Variants in SH3D19 observed in about 807,000 individuals in gnomAD.
SH3D19 encodes SH3 domain-containing protein 19.
In SH3D19, 58 loss-of-function variants were observed where a neutral mutation model predicts 112.1. That is an observed-to-expected ratio of 0.52 (90% CI 0.42 to 0.64). SH3D19 has a LOEUF of 0.64. Among genes scored for constraint, SH3D19 ranks in the 30% least tolerant of loss-of-function variants. The pLI, the probability that SH3D19 is intolerant of heterozygous loss-of-function variation, is 0.00. For missense variants in SH3D19, 1,090 were observed against 1,263.4 expected, an observed-to-expected ratio of 0.86 and a Z score of 2.08; for synonymous variants, 391 against 448.5, an observed-to-expected ratio of 0.87 and a Z score of 1.62.
intron 7 of SH3D19, among the ~76,000 whole-genome samples, chr4:151,167,907 C>T (rs887089880): frequency 8.5e-5 from 13 of 152,322 alleles, no homozygotes; most frequent in African/African-American, 2.9e-4. Flanking sequence ...AAGTGAGGCG[C>T]GCCTCTGCCC....
Position 151,175,418 on chromosome 4 carries a change from T to G in SH3D19, c.786A>C (p.Pro262=), listed in dbSNP as rs1238650646. The G allele has an allele frequency of 1.9e-6, 3 of 1,538,992 alleles. No individual in the cohort carries two copies. In the African/African-American group the frequency reaches 4.1e-5, roughly 21 times the overall value. ...TGTCCAGCAGAGACTGGGGCCGGCC[T>G]GGGGATGACTCCTCTCCTACGGCTG... ...SPAAVGEESS[P]GRPQSLLDNA... The change falls in exon 7 of 20, where the codon CCA becomes CCC. Residue 262 remains proline (P), a synonymous_variant. Coordinates refer to ENST00000604030, the MANE Select transcript of SH3D19 (RefSeq NM_001378122.1).
At chr4:151,215,539 C>G (rs1417975471) in intron 2 of SH3D19, among the ~76,000 whole-genome samples, 1 of 152,218 alleles carries the variant, frequency 6.6e-6, no homozygotes, top group Non-Finnish European at 1.5e-5. Context: ...TACTGATTCT[C>G]AATCCTCCTG....
rs1394879553 is a variant in SH3D19 at position 151,256,047 on chromosome 4, A to AGAGGGAGAGGGAGAGG, written c.113-29962_113-29961insCCTCTCCCTCTCCCTC. Among the ~76,000 whole-genome samples, 12 of 135,518 alleles carry AGAGGGAGAGGGAGAGG rather than the reference A, an allele frequency of 8.9e-5. 1 individual carries two copies. The highest frequency in any genetic ancestry group is 3.4e-4 in the African/African-American group (12 of 35,332). The allele number at this position is 135,518 out of a possible 152,430, so 88.9% of individuals were successfully genotyped here. A position where few individuals can be genotyped will look rare whatever the true frequency, so the allele number is the denominator to read the frequency against. On this transcript the variant is annotated intron_variant, in intron 1 of 19. Transcript: ENST00000604030. ...GAGAGGGAGAGGGAGAGGGAGAGGG[A>AGAGGGAGAGGGAGAGG]GAGCCTTGAATTATAATAAAGATTT...
Position 151,148,088 on chromosome 4 carries a change from T to A in SH3D19, c.1916A>T (p.Asn639Ile). Residue 639 changes from asparagine (N) to isoleucine (I), a missense_variant, in exon 11 of 20, where the codon AAT (asparagine) becomes ATT (isoleucine). Asn to Ile is a moderately radical substitution (Grantham distance 149). Coordinates refer to ENST00000604030, the MANE Select transcript of SH3D19 (RefSeq NM_001378122.1). ...GGATCGATTAAAAGGCAGTTTCTTA[T>A]TAGATCTTCTGGTTGCAGAAAGCTT... Reference protein sequence around the residue: ...PPKLSATRRSNKKLPFNRSSS... With the variant: ...PPKLSATRRSIKKLPFNRSSS... 1.2e-6 allele frequency: 2 copies of A among 1,614,144 alleles called. No homozygotes were observed. Among genetic ancestry groups the A allele is most frequent in the Non-Finnish European group, 1.7e-6 (2 of 1,180,028 alleles).
intron 1 of SH3D19, among the ~76,000 whole-genome samples, chr4:151,306,932 C>T (rs967193594): frequency 1.3e-5 from 2 of 152,244 alleles, no homozygotes; most frequent in Non-Finnish European, 2.9e-5. Flanking sequence ...CTTTATCATC[C>T]ACTCTCCCGC....
At chr4:151,229,035 ATTTTTT>A (rs34078148) in intron 1 of SH3D19, among the ~76,000 whole-genome samples, 11 of 136,798 alleles carry the variant, frequency 8.0e-5, no homozygotes, top group African/African-American at 2.4e-4. Context: ...AGCTAATTAA[ATTTTTT>A]TTTTTTTTTT....
intron 8 of SH3D19, among the ~76,000 whole-genome samples, chr4:151,163,831 C>A (rs369799657): frequency 6.6e-6 from 1 of 152,160 alleles, no homozygotes. Flanking sequence ...GATCTGCCCA[C>A]CTCAGCTTCC....
In SH3D19 at chr4:151,133,248, A is replaced by G. The variant is rs201683731; in HGVS notation, c.2487-12T>C. 185 of 1,613,152 alleles carry G rather than the reference A, an allele frequency of 1.1e-4. No individual in the cohort carries two copies. The African/African-American group carries it at 2.4e-3, about 21-fold the overall frequency. On this transcript the variant is annotated splice_polypyrimidine_tract_variant and intron_variant, in intron 15 of 19. Coordinates refer to ENST00000604030, the MANE Select transcript of SH3D19 (RefSeq NM_001378122.1). ...CACATCTTGAGCCTCTGAATGAAGA[A>G]CACATTTTGTGGATTAGACTAGAGA...
chr4:151,319,908 TG>T, intron 1 of SH3D19, among the ~76,000 whole-genome samples: 1 of 152,318 alleles, frequency 6.6e-6, no homozygotes, highest in Non-Finnish European at 1.5e-5. Flanking sequence ...TGTGATCACC[TG>T]GAAAAACATG....
chr4:151,143,877 G>A (rs1314300351), intron 12 of SH3D19, 33 bp downstream of exon 12: 1 of 1,587,782 alleles, frequency 6.3e-7, no homozygotes, highest in East Asian at 2.2e-5. Context: ...TGCTATGTGT[G>A]ATATGAGGGC....
intron 1 of SH3D19, among the ~76,000 whole-genome samples, chr4:151,252,982 C>T (rs753243073): frequency 2.0e-5 from 3 of 152,228 alleles, no homozygotes; most frequent in Non-Finnish European, 4.4e-5. Flanking sequence ...TCCACCATCA[C>T]CTCCTGCCCA....
intron 1 of SH3D19, among the ~76,000 whole-genome samples, chr4:151,243,964 C>T (rs1231569674): frequency 6.6e-6 from 1 of 152,116 alleles, no homozygotes; most frequent in African/African-American, 2.4e-5. Flanking sequence ...TAAAAAATTC[C>T]GTGGACCTTG....
At chr4:151,150,284 T>C (rs1423522102) in intron 9 of SH3D19, among the ~76,000 whole-genome samples, 1 of 132,686 alleles carries the variant, frequency 7.5e-6, no homozygotes, top group Non-Finnish European at 1.6e-5. Context: ...TACACACACA[T>C]ATATATACAT....
At chr4:151,264,721 A>T (rs541805304) in intron 1 of SH3D19, among the ~76,000 whole-genome samples, 1 of 152,310 alleles carries the variant, frequency 6.6e-6, no homozygotes, top group African/African-American at 2.4e-5. Context: ...AAAATGTAAC[A>T]TCCTGTAGAC....
intron 10 of SH3D19, among the ~76,000 whole-genome samples, chr4:151,148,841 C>T (rs1034193731): frequency 1.3e-4 from 19 of 151,964 alleles, no homozygotes; most frequent in African/African-American, 4.6e-4. Flanking sequence ...AGATCGAGAA[C>T]ATCCTGGCCA....
chr4:151,269,321 C>T (rs1343608580), intron 1 of SH3D19, among the ~76,000 whole-genome samples: 1 of 151,884 alleles, frequency 6.6e-6, no homozygotes, highest in East Asian at 1.9e-4. Flanking sequence ...TGTTTGAGTT[C>T]ATTGTAGATT....
At chr4:151,190,461 A>G (rs1161912187) in intron 2 of SH3D19, among the ~76,000 whole-genome samples, 5 of 152,114 alleles carry the variant, frequency 3.3e-5, no homozygotes. Context: ...GGAGAAAAAA[A>G]TGGTTTCATG....
chr4:151,248,840 A>G (rs1158027398), intron 1 of SH3D19, among the ~76,000 whole-genome samples: 1 of 152,140 alleles, frequency 6.6e-6, no homozygotes, highest in Non-Finnish European at 1.5e-5. Context: ...AATGCAAACA[A>G]CGCACTTCAA....
At chr4:151,308,377 C>A (rs1268570869) in intron 1 of SH3D19, among the ~76,000 whole-genome samples, 1 of 152,178 alleles carries the variant, frequency 6.6e-6, no homozygotes, top group Non-Finnish European at 1.5e-5. Context: ...AGCCTACCAA[C>A]TTTACCCTCT....
Sources: gnomAD v4.1 joint callset for allele counts (sites outside exome capture counted in the v4.1 genomes callset) on GRCh38, gnomAD v4.1.1 for gene constraint, MANE v1.5 for transcripts, NCBI Gene and HGNC (gene_info 2026-07-23, HGNC 2026-07-21) for gene names.